NPAS3: variants seen among roughly 807,000 people sequenced by gnomAD.
NPAS3 encodes the protein neuronal PAS domain-containing protein 3.
A neutral mutation model predicts 73.1 loss-of-function variants in NPAS3; 14 were observed. That is an observed-to-expected ratio of 0.19 (90% CI 0.13 to 0.30). The LOEUF (loss-of-function observed/expected upper bound fraction) is 0.30. Ranked by LOEUF, NPAS3 falls within the 10% of genes least tolerant of loss-of-function variation. NPAS3 has a pLI of 1.00. For synonymous variants in NPAS3, 620 were observed against 541.5 expected (o/e 1.14, Z -2.01); for missense variants, 1,096 against 1,250.0 (o/e 0.88, Z 1.86).
chr14:33,659,504 TTGTC>T (rs2059245297), intron 5 of NPAS3, among the ~76,000 whole-genome samples: 1 of 152,296 alleles, frequency 6.6e-6, no homozygotes, highest in East Asian at 1.9e-4. Context: ...TGTACCTTGT[TTGTC>T]TGGCTATCCT....
intron 3 of NPAS3, among the ~76,000 whole-genome samples, chr14:33,225,666 T>C (rs2047603134): frequency 6.6e-6 from 1 of 152,196 alleles, no homozygotes; most frequent in African/African-American, 2.4e-5. Flanking sequence ...ATATTATTCT[T>C]AAGAGTTTTT....
chr14:33,448,845 G>A lies in NPAS3; in HGVS notation c.468+81577G>A, dbSNP rs2049648233. Among the ~76,000 whole-genome samples the A allele has an allele frequency of 2.6e-5, 4 of 152,178 alleles. No individual in the cohort carries two copies. The South Asian group carries it at 8.3e-4, about 32-fold the overall frequency. ...GCATACAAGCATCTGAACTGGCTTG[G>A]TCAGCCCAGCCTGAGTGAGCAGGCC... On this transcript the variant is annotated intron_variant, in intron 4 of 11. Transcript: ENST00000356141.
chr14:33,623,005 T>G (rs2058120868), intron 5 of NPAS3, among the ~76,000 whole-genome samples: 1 of 152,158 alleles, frequency 6.6e-6, no homozygotes, highest in Non-Finnish European at 1.5e-5. Flanking sequence ...ACTGCATTTT[T>G]GGACGTTAAG....
At chr14:33,499,405 G>T (rs1271960794) in intron 4 of NPAS3, among the ~76,000 whole-genome samples, 2 of 151,866 alleles carry the variant, frequency 1.3e-5, no homozygotes, top group Non-Finnish European at 2.9e-5. Context: ...AACGTAAAAT[G>T]AGTCTAGATC....
At chr14:33,643,394 AAAAAC>A (rs2058732333) in intron 5 of NPAS3, among the ~76,000 whole-genome samples, 1 of 147,238 alleles carries the variant, frequency 6.8e-6, no homozygotes, top group African/African-American at 2.5e-5. Context: ...AAAAAAAAAA[AAAAAC>A]GAGAGAGATG....
chr14:33,090,987 G>A (rs2042205388), intron 2 of NPAS3, among the ~76,000 whole-genome samples: 2 of 152,202 alleles, frequency 1.3e-5, no homozygotes, highest in African/African-American at 4.8e-5. Context: ...CACATTTAAA[G>A]CTGTGTGTCG....
chr14:33,454,343 C>A (rs2049932084), intron 4 of NPAS3, among the ~76,000 whole-genome samples: 1 of 152,066 alleles, frequency 6.6e-6, no homozygotes, highest in African/African-American at 2.4e-5. Context: ...TTAATTTTAC[C>A]AATCAGGAAG....
chr14:33,650,480 T>C (rs2058960442), intron 5 of NPAS3, among the ~76,000 whole-genome samples: 1 of 152,232 alleles, frequency 6.6e-6, no homozygotes, highest in African/African-American at 2.4e-5. Flanking sequence ...ATGATAATTC[T>C]GGATTATCCT....
intron 7 of NPAS3, among the ~76,000 whole-genome samples, chr14:33,763,833 TG>T (rs1490677340): frequency 7.0e-6 from 1 of 141,846 alleles, no homozygotes; most frequent in Admixed American, 6.7e-5. Context: ...TATCTAAATT[TG>T]GGGAGTATTG....
At chr14:33,745,318 G>A (rs893555083) in intron 7 of NPAS3, among the ~76,000 whole-genome samples, 17 of 152,176 alleles carry the variant, frequency 1.1e-4, no homozygotes, top group African/African-American at 3.1e-4. Flanking sequence ...GTATGTTACC[G>A]TTTGACCTTT....
At chr14:33,663,289 G>A (rs1346689480) in intron 5 of NPAS3, among the ~76,000 whole-genome samples, 1 of 152,094 alleles carries the variant, frequency 6.6e-6, no homozygotes, top group East Asian at 1.9e-4. Flanking sequence ...AAGGGGTGTT[G>A]AATTTTATCG....
intron 4 of NPAS3, among the ~76,000 whole-genome samples, chr14:33,374,797 C>T (rs8011352): frequency 1.3e-5 from 2 of 151,656 alleles, no homozygotes; most frequent in African/African-American, 4.9e-5. Context: ...AGTACAATTC[C>T]AACATCTGGG....
Position 33,151,497 on chromosome 14 carries a change from T to C in NPAS3, c.141-63685T>C, listed in dbSNP as rs78841908. ...GGTGATGAGAATGTGCATTTTCTTG[T>C]GTATGCCTAAAATATGCACACTGTT... On this transcript the variant is annotated intron_variant, in intron 2 of 11. Transcript: ENST00000356141. Among the ~76,000 whole-genome samples the C allele has an allele frequency of 4.2e-3, 643 of 152,344 alleles. 7 individuals carry two copies. Among genetic ancestry groups the C allele is most frequent in the African/African-American group, 0.015 (603 of 41,576 alleles).
At position 33,095,657 on chromosome 14, in the gene NPAS3, C is replaced by CTTTTTTTTTTTTTTTTTTTT. The variant is rs201283993; in HGVS notation, c.140+39667_140+39668insTTTTTTTTTTTTTTTTTTTT. Among the ~76,000 whole-genome samples, 4 of 97,656 alleles carry CTTTTTTTTTTTTTTTTTTTT rather than the reference C, an allele frequency of 4.1e-5. 1 individual carries two copies. Among genetic ancestry groups the CTTTTTTTTTTTTTTTTTTTT allele is most frequent in the Non-Finnish European group, 6.0e-5 (3 of 49,606 alleles). The allele number at this position is 97,656 out of a possible 152,430, so 64.1% of individuals were successfully genotyped here. A position where few individuals can be genotyped will look rare whatever the true frequency, so the allele number is the denominator to read the frequency against. On this transcript the variant is annotated intron_variant, in intron 2 of 11. Coordinates refer to ENST00000356141, the Ensembl canonical transcript of NPAS3. Reference sequence around the variant, plus strand: ...TACACAAAGGCGTGGGCATTCTCTGCTTTTATTTTTTTATTTTTTTTTTTT... The same window carrying CTTTTTTTTTTTTTTTTTTTT: ...TACACAAAGGCGTGGGCATTCTCTGCTTTTTTTTTTTTTTTTTTTTTTTTATTTTTTTATTTTTTTTTTTT...
chr14:33,800,432 G>A lies in NPAS3; in HGVS notation c.2125G>A (p.Val709Met), dbSNP rs781014114. The A allele has an allele frequency of 1.3e-6, 2 of 1,585,956 alleles. No individual in the cohort carries two copies. The highest frequency in any genetic ancestry group is 1.7e-6 in the Non-Finnish European group (2 of 1,170,152). ...GGGTGGCGGTGGCGGGGGGCTGCACGTGGCCATTCCCGACTCGGTCCTCAC... is the reference window on the plus strand; with the variant it reads ...GGGTGGCGGTGGCGGGGGGCTGCACATGGCCATTCCCGACTCGGTCCTCAC... Residue 709 changes from valine (V) to methionine (M), a missense_variant, in exon 12 of 12, where the codon GTG becomes ATG. Val to Met is a conservative substitution (Grantham distance 21). This residue lies in a region of NPAS3 where 698 missense variants were observed against 676.7 expected (regional missense o/e 1.03). Transcript: ENST00000356141. This position sits in a 1 kb window ranked among gnomAD's most constrained non-coding sequence, Gnocchi z 6.5.
At chr14:33,086,598 G>A (rs973488817) in intron 2 of NPAS3, among the ~76,000 whole-genome samples, 13 of 152,138 alleles carry the variant, frequency 8.5e-5, no homozygotes, top group East Asian at 5.8e-4. Flanking sequence ...GCACAATCAC[G>A]TAAAATCTGA....
At chr14:33,018,461 A>G (rs2039471864) in intron 1 of NPAS3, among the ~76,000 whole-genome samples, 1 of 152,156 alleles carries the variant, frequency 6.6e-6, no homozygotes, top group South Asian at 2.1e-4. Context: ...CAATAGAGGA[A>G]ATTCCCAAGT....
At chr14:33,085,512 A>G (rs1266743752) in intron 2 of NPAS3, among the ~76,000 whole-genome samples, 2 of 152,148 alleles carry the variant, frequency 1.3e-5, no homozygotes, top group Non-Finnish European at 2.9e-5. Context: ...GGAAAAATCT[A>G]TTCTCTCTTC....
At chr14:32,979,331 T>C (rs1347090578) in intron 1 of NPAS3, among the ~76,000 whole-genome samples, 1 of 152,238 alleles carries the variant, frequency 6.6e-6, no homozygotes, top group Admixed American at 6.5e-5. Context: ...CTGATTGCTG[T>C]AAAATTTAAA....
Sources: gnomAD v4.1 joint callset for allele counts (sites outside exome capture counted in the v4.1 genomes callset) on GRCh38, gnomAD v4.1.1 for gene constraint, gnomAD v4.1.1 regional missense constraint, Gnocchi (gnomAD v3.1) non-coding constraint, MANE v1.5 for transcripts, NCBI Gene and HGNC (gene_info 2026-07-23, HGNC 2026-07-21) for gene names.